The following FRAS1 variants were observed in gnomAD, a reference collection of about 807,000 sequenced individuals.
FRAS1 encodes the protein Fraser extracellular matrix complex subunit 1.
Under a neutral mutation model 435.2 loss-of-function variants are expected in FRAS1, and 290 were observed. The observed-to-expected ratio is 0.67, with a 90% confidence interval of 0.61 to 0.73. The LOEUF is 0.73. Among genes scored for constraint, FRAS1 ranks in the 30% least tolerant of loss-of-function variants. The pLI is 0.00. For missense variants in FRAS1, 4,860 were observed against 5,001.5 expected (o/e 0.97, Z 0.85); for synonymous variants, 1,800 against 1,851.0 (o/e 0.97, Z 0.71).
intron 1 of FRAS1, among the ~76,000 whole-genome samples, chr4:78,062,654 A>C (rs965422233): frequency 1.2e-4 from 19 of 152,338 alleles, no homozygotes; most frequent in African/African-American, 4.1e-4. Flanking sequence ...GATTTTATAC[A>C]GTCATCTCAT....
intron 26 of FRAS1, among the ~76,000 whole-genome samples, chr4:78,376,449 G>A (rs1024414944): frequency 5.3e-5 from 8 of 152,074 alleles, no homozygotes; most frequent in African/African-American, 1.9e-4. Context: ...ATAATTTTAT[G>A]GGACCACCAT....
At chr4:78,318,194 A>G (rs1211523656) in intron 17 of FRAS1, among the ~76,000 whole-genome samples, 1 of 152,234 alleles carries the variant, frequency 6.6e-6, no homozygotes, top group Non-Finnish European at 1.5e-5. Context: ...AATTTACAGA[A>G]TCTTTTAAAG....
In FRAS1 at chr4:78,357,429, C is replaced by T. The variant is rs78393137; in HGVS notation, c.2423-6084C>T. 4.7e-3 allele frequency among the ~76,000 whole-genome samples: 722 copies of T among 152,252 alleles called. 5 individuals are homozygous for T. The highest frequency in any genetic ancestry group is 8.1e-3 in the Non-Finnish European group (551 of 68,024). On this transcript the variant is annotated intron_variant, in intron 20 of 73. Coordinates refer to ENST00000512123, the MANE Select transcript of FRAS1 (RefSeq NM_025074.7). Reference sequence around the variant, plus strand: ...CCCACTCTACTATTGGAATCTTGAACATTCTACTGGGTTACTTCCAACCTG... The same window carrying T: ...CCCACTCTACTATTGGAATCTTGAATATTCTACTGGGTTACTTCCAACCTG...
intron 2 of FRAS1, among the ~76,000 whole-genome samples, chr4:78,201,646 G>A (rs17003043): frequency 0.34 from 51,099 of 152,026 alleles, 8,637 homozygotes; most frequent in Admixed American, 0.37. Flanking sequence ...TCAACCAATT[G>A]CTTCTGAAAT....
chr4:78,103,155 A>G (rs1742217897), intron 2 of FRAS1, among the ~76,000 whole-genome samples: 1 of 152,214 alleles, frequency 6.6e-6, no homozygotes, highest in African/African-American at 2.4e-5. Flanking sequence ...CCATGAAAGG[A>G]CTGGTATTTA....
At chr4:78,487,009 C>T (rs56681862) in intron 58 of FRAS1, among the ~76,000 whole-genome samples, 30,347 of 152,036 alleles carry the variant, frequency 0.2, 3,301 homozygotes, top group African/African-American at 0.26. Context: ...GCCTGTCAGG[C>T]CAGCAAGAAA....
chr4:78,459,876 T>A (rs1038856512), intron 47 of FRAS1, among the ~76,000 whole-genome samples: 1 of 152,202 alleles, frequency 6.6e-6, no homozygotes, highest in African/African-American at 2.4e-5. Context: ...CAAATTTCCC[T>A]TTTTTATGAC....
At chr4:78,160,557 AG>A (rs148154107) in intron 2 of FRAS1, among the ~76,000 whole-genome samples, 2,411 of 152,264 alleles carry the variant, frequency 0.016, 67 homozygotes, top group African/African-American at 0.054. Flanking sequence ...TTGTAAGTAC[AG>A]GCTGCTTTGT....
chr4:78,497,200 G>T (rs1720532813), intron 60 of FRAS1, among the ~76,000 whole-genome samples: 2 of 152,108 alleles, frequency 1.3e-5, no homozygotes, highest in South Asian at 4.1e-4. Context: ...TGGACTGATT[G>T]TGGTCAAAAG....
chr4:78,231,448 A>G (rs1329328347), intron 2 of FRAS1, among the ~76,000 whole-genome samples: 1 of 152,082 alleles, frequency 6.6e-6, no homozygotes, highest in Non-Finnish European at 1.5e-5. Context: ...TTCTATGCAC[A>G]TAGATATATT....
intron 14 of FRAS1, among the ~76,000 whole-genome samples, chr4:78,298,030 C>CTATATATATA (rs61446216): frequency 4.8e-5 from 5 of 104,084 alleles, no homozygotes; most frequent in Admixed American, 3.2e-4. Context: ...CTCTCTCTCT[C>CTATATATATA]TATATATATA....
chr4:78,066,808 C>A (rs544091322), intron 2 of FRAS1, among the ~76,000 whole-genome samples: 2 of 152,278 alleles, frequency 1.3e-5, no homozygotes, highest in African/African-American at 4.8e-5. Context: ...GATAAGTCAT[C>A]CTGGATTATC....
intron 38 of FRAS1, among the ~76,000 whole-genome samples, chr4:78,435,820 A>G (rs1734402615): frequency 6.6e-6 from 1 of 152,168 alleles, no homozygotes; most frequent in Non-Finnish European, 1.5e-5. Context: ...TTCTGCACAA[A>G]ATGATTATAT....
At chr4:78,424,568 T>A (rs1432097813) in intron 35 of FRAS1, 148 bp downstream of exon 35, 2 of 462,466 alleles carry the variant, frequency 4.3e-6, no homozygotes, top group Non-Finnish European at 7.6e-6. Flanking sequence ...AAATTTCTTC[T>A]AAAATAAACA....
At chr4:78,131,627 A>G (rs989097964) in intron 2 of FRAS1, among the ~76,000 whole-genome samples, 2 of 152,116 alleles carry the variant, frequency 1.3e-5, no homozygotes, top group African/African-American at 2.4e-5. Context: ...TGCCACTTGG[A>G]GAAGAAGATG....
At chr4:78,116,407 T>A (rs1242272660) in intron 2 of FRAS1, among the ~76,000 whole-genome samples, 1 of 152,202 alleles carries the variant, frequency 6.6e-6, no homozygotes, top group Non-Finnish European at 1.5e-5. Context: ...GTCTCGTTGA[T>A]CTGTCTAATG....
intron 2 of FRAS1, among the ~76,000 whole-genome samples, chr4:78,114,650 A>T (rs1435182170): frequency 6.6e-6 from 1 of 152,154 alleles, no homozygotes; most frequent in Admixed American, 6.6e-5. Flanking sequence ...GGTGTATAAG[A>T]ATGCTTGTGA....
intron 2 of FRAS1, among the ~76,000 whole-genome samples, chr4:78,148,795 AG>A (rs1052752697): frequency 2.6e-5 from 4 of 152,108 alleles, no homozygotes; most frequent in African/African-American, 4.8e-5. Context: ...TTTTCTCAGT[AG>A]CGTTTATTAT....
At chr4:78,142,076 C>T (rs1303172617) in intron 2 of FRAS1, among the ~76,000 whole-genome samples, 1 of 151,962 alleles carries the variant, frequency 6.6e-6, no homozygotes, top group Non-Finnish European at 1.5e-5. Context: ...TCACAAATCA[C>T]CACTAAAGAA....
Sources: gnomAD v4.1 joint callset for allele counts (sites outside exome capture counted in the v4.1 genomes callset) on GRCh38, gnomAD v4.1.1 for gene constraint, MANE v1.5 for transcripts, NCBI Gene and HGNC (gene_info 2026-07-23, HGNC 2026-07-21) for gene names.